Variants in ZNF207 observed in about 807,000 individuals in gnomAD.
The protein encoded by ZNF207 is BUB3-interacting and GLEBS motif-containing protein ZNF207.
Under a neutral mutation model 60.2 loss-of-function variants are expected in ZNF207, and 24 were observed. The observed-to-expected ratio is 0.40, with a 90% CI of 0.29 to 0.56. The LOEUF (loss-of-function observed/expected upper bound fraction) is 0.56, where lower values mean the gene tolerates loss of function less well. Ranked by LOEUF, ZNF207 falls within the 20% of genes least tolerant of loss-of-function variation. ZNF207 has a pLI of 0.49. For missense variants in ZNF207, 452 were observed against 636.6 expected (o/e 0.71, Z 3.12); for synonymous variants, 236 against 194.7 (o/e 1.21, Z -1.77).
rs1905779252 is a variant in ZNF207 at position 32,378,934 on chromosome 17, C to T, written c.*9175C>T. Reference sequence around the variant, plus strand: ...GATGTTTAATTTGAGACGATCTAGCCATAAAACTAGTAATCTTGAATTCCT... The same window carrying T: ...GATGTTTAATTTGAGACGATCTAGCTATAAAACTAGTAATCTTGAATTCCT... On this transcript the variant is annotated 3_prime_UTR_variant, in exon 12 of 12. Coordinates refer to ENST00000394670, the MANE Select transcript of ZNF207 (RefSeq NM_001098507.2). 6.6e-6 allele frequency: 1 copy of T among 152,024 alleles called. No individual in the cohort carries two copies. The highest frequency in any genetic ancestry group is 2.1e-4 in the South Asian group (1 of 4,834). 9.4% of individuals were successfully genotyped at this position (152,024 alleles called of 1,614,324 possible). A position where few individuals can be genotyped will look rare whatever the true frequency, so the allele number is the denominator to read the frequency against.
At chr17:32,360,852 T>C (rs368423619) in intron 4 of ZNF207, 40 bp from the exon 5 acceptor site, 212 of 1,613,004 alleles carry the variant, frequency 1.3e-4, no homozygotes, top group Non-Finnish European at 1.7e-4. Context: ...TCTAACTCTT[T>C]AATATTTGTT....
rs567069511 is a variant in ZNF207 at position 32,374,545 on chromosome 17, C to G, written c.*4786C>G. 2 of 152,048 alleles carry G rather than the reference C, an allele frequency of 1.3e-5. No individual in the cohort carries two copies. The highest frequency in any genetic ancestry group is 2.1e-4 in the South Asian group (1 of 4,826). The allele number at this position is 152,048 out of a possible 1,614,324, so 9.4% of individuals were successfully genotyped here. On this transcript the variant is annotated 3_prime_UTR_variant, in exon 12 of 12. Coordinates refer to ENST00000394670, the MANE Select transcript of ZNF207 (RefSeq NM_001098507.2). ...ATCTGCATTCTTAATCACAAACTTA[C>G]GCATTGAATGTTAAGGCTAAAAGGT... is the stretch of plus-strand genomic sequence containing the variant.
At chr17:32,362,131 AGT>A (rs57093226) in intron 6 of ZNF207, among the ~76,000 whole-genome samples, 73,685 of 145,710 alleles carry the variant, frequency 0.51, 18,832 homozygotes, top group Non-Finnish European at 0.53. Context: ...AAAAAAAAAA[AGT>A]GTGTGTGTGT....
chr17:32,357,496 G>A (rs183950969), intron 2 of ZNF207, among the ~76,000 whole-genome samples: 7 of 150,374 alleles, frequency 4.7e-5, no homozygotes, highest in Admixed American at 4.0e-4. Context: ...TTACAGGCAC[G>A]TGCCACCATG....
intron 9 of ZNF207, among the ~76,000 whole-genome samples, chr17:32,367,284 T>TATATATATATATAA (rs1346929445): frequency 1.5e-5 from 2 of 131,066 alleles, no homozygotes; most frequent in African/African-American, 6.0e-5. Context: ...TATATATATA[T>TATATATATATATAA]AAAGAATACT....
intron 7 of ZNF207, among the ~76,000 whole-genome samples, chr17:32,363,226 T>C (rs1904981977): frequency 6.6e-6 from 1 of 152,100 alleles, no homozygotes; most frequent in African/African-American, 2.4e-5. Context: ...TAGCTGGGAT[T>C]ACAGGCGCCT....
At chr17:32,354,008 G>A (rs1308778776) in intron 2 of ZNF207, among the ~76,000 whole-genome samples, 1 of 151,916 alleles carries the variant, frequency 6.6e-6, no homozygotes, top group Admixed American at 6.6e-5. Context: ...TGATTGACAG[G>A]GTCTCATTCT....
In ZNF207 at chr17:32,363,529, C is replaced by CTTTT. The variant is rs746944466; in HGVS notation, c.670+570_670+573dup. ...ACAAGTAATAGAGAAATCCAACAAACTTTTTTTTTTTTTTTTTTTTTTTTT... is the reference window on the plus strand; with the variant it reads ...ACAAGTAATAGAGAAATCCAACAAACTTTTTTTTTTTTTTTTTTTTTTTTTTTTT... On this transcript the variant is annotated intron_variant, in intron 7 of 11. Transcript: ENST00000394670. Among the ~76,000 whole-genome samples, 230 of 69,606 alleles carry CTTTT rather than the reference C, an allele frequency of 3.3e-3. 41 individuals carry two copies. The highest frequency in any genetic ancestry group is 8.7e-3 in the African/African-American group (161 of 18,478). 45.7% of individuals were successfully genotyped at this position (69,606 alleles called of 152,430 possible). A position where few individuals can be genotyped will look rare whatever the true frequency, so the allele number is the denominator to read the frequency against.
intron 3 of ZNF207, among the ~76,000 whole-genome samples, chr17:32,359,746 A>G (rs1193171169): frequency 6.6e-6 from 1 of 151,954 alleles, no homozygotes; most frequent in Non-Finnish European, 1.5e-5. Context: ...TCTTTACAAA[A>G]AAAAAATACA....
chr17:32,369,334 C>G lies in ZNF207; in HGVS notation c.1204C>G (p.Leu402Val), dbSNP rs1905357681. 2 of 1,614,000 alleles carry G rather than the reference C, an allele frequency of 1.2e-6. No individual in the cohort carries two copies. The highest frequency in any genetic ancestry group is 1.7e-5 in the Admixed American group (1 of 59,986). Residue 402 changes from leucine to valine, a missense_variant, in exon 11 of 12, where the codon CTT becomes GTT. Around this residue, in one of 2 missense-constraint regions of ZNF207, gnomAD observed 390 missense variants for 461.4 expected, o/e 0.85. Coordinates refer to ENST00000394670, the MANE Select transcript of ZNF207 (RefSeq NM_001098507.2). Reference sequence around the variant, plus strand: ...ACAGTTACCTAAGTATCAACGTAATCTTCCTCGGCCAGGACAGGCCCCCAT... The same window carrying G: ...ACAGTTACCTAAGTATCAACGTAATGTTCCTCGGCCAGGACAGGCCCCCAT... ...RAQLPKYQRNLPRPGQAPIGN... is the reference protein window; with the variant it reads ...RAQLPKYQRNVPRPGQAPIGN...
At chr17:32,358,785 G>C in intron 3 of ZNF207, 144 bp downstream of exon 3, 2 of 615,936 alleles carry the variant, frequency 3.2e-6, no homozygotes, top group East Asian at 7.3e-5. Context: ...CGGGGTTTAA[G>C]TGATTGTTTG....
Position 32,376,245 on chromosome 17 carries a change from C to T in ZNF207, c.*6486C>T, listed in dbSNP as rs562330485. On this transcript the variant is annotated 3_prime_UTR_variant, in exon 12 of 12. Transcript: ENST00000394670. ...TCCCAATAACTTTAAATATATCCAC[C>T]TTTTCCAAGTGTTTAAGCCCTAAAA... The T allele has an allele frequency of 1.3e-5, 2 of 151,890 alleles. No individual in the cohort carries two copies. Among genetic ancestry groups the T allele is most frequent in the African/African-American group, 4.8e-5 (2 of 41,398 alleles). 9.4% of individuals were successfully genotyped at this position (151,890 alleles called of 1,614,324 possible).
chr17:32,373,857 G>A lies in ZNF207; in HGVS notation c.*4098G>A, dbSNP rs1000200727. On this transcript the variant is annotated 3_prime_UTR_variant, in exon 12 of 12. Transcript: ENST00000394670. ...CATAAACTATTAAATTTAACCTCAA[G>A]GATAAGTTTAATCATTGGAAATGCC... is the stretch of plus-strand genomic sequence containing the variant. The A allele has an allele frequency of 1.9e-5, 3 of 154,250 alleles. No individual in the cohort carries two copies. The highest frequency in any genetic ancestry group is 7.2e-5 in the African/African-American group (3 of 41,502). 9.6% of individuals were successfully genotyped at this position (154,250 alleles called of 1,614,324 possible). A position where few individuals can be genotyped will look rare whatever the true frequency, so the allele number is the denominator to read the frequency against.
intron 9 of ZNF207, among the ~76,000 whole-genome samples, chr17:32,367,273 A>ATGTATG (rs1567825023): frequency 9.7e-6 from 1 of 103,024 alleles, no homozygotes; most frequent in Admixed American, 9.7e-5. Flanking sequence ...ATATATATAT[A>ATGTATG]TATATATATA....
intron 10 of ZNF207, chr17:32,368,551 T>C (rs1905304579): frequency 6.4e-6 from 1 of 156,796 alleles, no homozygotes; most frequent in Non-Finnish European, 1.4e-5. Context: ...ATTAGCAGTG[T>C]GTAGTGGCGG....
In ZNF207 at chr17:32,369,285, T is replaced by C. The variant is rs535428510; in HGVS notation, c.1165-10T>C. 173 of 1,613,186 alleles carry C rather than the reference T, an allele frequency of 1.1e-4. 2 individuals are homozygous for C. The South Asian group carries it at 1.8e-3, about 17-fold the overall frequency. On this transcript the variant is annotated splice_polypyrimidine_tract_variant and intron_variant, in intron 10 of 11. Coordinates refer to ENST00000394670, the MANE Select transcript of ZNF207 (RefSeq NM_001098507.2). ...CGAGTATTTAGCCCTGCGCTTATTT[T>C]TATTCCCAGGAAGAGAGAAGGGCAC... is the stretch of plus-strand genomic sequence containing the variant.
chr17:32,352,281 C>G (rs746704770), intron 2 of ZNF207, among the ~76,000 whole-genome samples: 3 of 151,978 alleles, frequency 2.0e-5, no homozygotes, highest in Non-Finnish European at 4.4e-5. Flanking sequence ...AAAGAATAAT[C>G]ATTTATTTCT....
At position 32,359,199 on chromosome 17, in the gene ZNF207, G is replaced by A. The variant is rs549492147; in HGVS notation, c.307+558G>A. 5.3e-5 allele frequency among the ~76,000 whole-genome samples: 8 copies of A among 152,180 alleles called. No homozygotes were observed. The South Asian group carries it at 6.2e-4, about 12-fold the overall frequency. ...GCGATCTCGGCTTACCACAACCTCC[G>A]CTTCCCAGGTTCAAGCAATTCTCCT... On this transcript the variant is annotated intron_variant, in intron 3 of 11. Transcript: ENST00000394670.
chr17:32,357,802 AT>A (rs1055621415), intron 2 of ZNF207, among the ~76,000 whole-genome samples: 6 of 148,494 alleles, frequency 4.0e-5, no homozygotes, highest in Admixed American at 1.3e-4. Flanking sequence ...CGCCCTGCTA[AT>A]TTTTTTTTTG....
Sources: gnomAD v4.1 joint callset for allele counts (sites outside exome capture counted in the v4.1 genomes callset) on GRCh38, gnomAD v4.1.1 for gene constraint, gnomAD v4.1.1 regional missense constraint, MANE v1.5 for transcripts, NCBI Gene and HGNC (gene_info 2026-07-23, HGNC 2026-07-21) for gene names.